CALN1: variants seen among roughly 807,000 people sequenced by gnomAD.
The protein encoded by CALN1 is calcium-binding protein 8.
In CALN1, 17 loss-of-function variants were observed where a neutral mutation model predicts 30.6. The ratio of observed to expected loss-of-function variants is 0.56; its 90% CI spans 0.38 to 0.83. CALN1 has a LOEUF of 0.83. Ranked by LOEUF, CALN1 falls within the 40% of genes least tolerant of loss-of-function variation. The pLI, the probability that CALN1 is intolerant of heterozygous loss-of-function variation, is 0.00. For synonymous variants in CALN1, 156 were observed against 131.4 expected (o/e 1.19, Z -1.28); for missense variants, 291 against 354.9 (o/e 0.82, Z 1.45).
At position 71,918,976 on chromosome 7, in the gene CALN1, T is replaced by C. The variant is rs541800665; in HGVS notation, c.501+104681A>G. ...GCATCTTAATCTTTTTAAGAGACTT[T>C]GGAGAGCAAGGAGCATGTATTTTTC... On this transcript the variant is annotated intron_variant, in intron 5 of 6. Coordinates refer to ENST00000395275, the MANE Select transcript of CALN1 (RefSeq NM_031468.4). Among the ~76,000 whole-genome samples, 9 of 152,344 alleles carry C rather than the reference T, an allele frequency of 5.9e-5. No homozygotes were observed. The South Asian group carries it at 1.9e-3, about 32-fold the overall frequency.
the CALN1 span, among the ~76,000 whole-genome samples, chr7:72,487,472 G>A: frequency 6.6e-6 from 1 of 151,736 alleles, no homozygotes; most frequent in South Asian, 2.1e-4. Flanking sequence ...GATCACCTGA[G>A]GTCAGGAGTT....
chr7:72,490,256 C>T, the CALN1 span, among the ~76,000 whole-genome samples: 1 of 152,070 alleles, frequency 6.6e-6, no homozygotes, highest in African/African-American at 2.4e-5. Context: ...TTAGAAAATG[C>T]TTATACAGTA....
At chr7:72,192,886 CTT>C (rs1157264103) in intron 3 of CALN1, among the ~76,000 whole-genome samples, 1 of 144,846 alleles carries the variant, frequency 6.9e-6, no homozygotes, top group Non-Finnish European at 1.5e-5. Flanking sequence ...CTACCAAAAA[CTT>C]TAAAAAAATT....
intron 4 of CALN1, among the ~76,000 whole-genome samples, chr7:72,082,961 G>T (rs559307283): frequency 2.6e-5 from 4 of 152,102 alleles, no homozygotes; most frequent in South Asian, 4.2e-4. Context: ...CAGCACTTTG[G>T]GAGGCTGAGG....
At chr7:72,175,620 T>C (rs1402466748) in intron 3 of CALN1, among the ~76,000 whole-genome samples, 1 of 152,152 alleles carries the variant, frequency 6.6e-6, no homozygotes, top group Non-Finnish European at 1.5e-5. Context: ...CTGCTAAAAC[T>C]GGCTGCCACG....
intron 3 of CALN1, among the ~76,000 whole-genome samples, chr7:72,190,418 T>G (rs1327605245): frequency 6.6e-6 from 1 of 152,208 alleles, no homozygotes; most frequent in Non-Finnish European, 1.5e-5. Context: ...CCAGCTGATG[T>G]GCATTGTAAA....
the CALN1 span, among the ~76,000 whole-genome samples, chr7:72,501,924 A>ATATATATATATATATAT: frequency 3.6e-4 from 30 of 84,232 alleles, no homozygotes; most frequent in African/African-American, 1.8e-3. Flanking sequence ...AAAAAAAAAA[A>ATATATATATATATATAT]AAAAATATAT....
chr7:72,411,459 A>C (rs1249143709), intron 1 of CALN1, among the ~76,000 whole-genome samples: 1 of 152,216 alleles, frequency 6.6e-6, no homozygotes, highest in Non-Finnish European at 1.5e-5. Context: ...AAAACTCTGA[A>C]ATCTAGTTTG....
At chr7:72,447,660 C>T (rs1039955839), upstream of CALN1, among the ~76,000 whole-genome samples, 5 of 151,782 alleles carry the variant, frequency 3.3e-5, no homozygotes, top group Non-Finnish European at 5.9e-5. Flanking sequence ...TACACACACA[C>T]CTGCCATGCA....
At chr7:72,201,721 C>A (rs1326580778) in intron 3 of CALN1, among the ~76,000 whole-genome samples, 3 of 139,072 alleles carry the variant, frequency 2.2e-5, no homozygotes, top group Non-Finnish European at 3.1e-5. Flanking sequence ...TACCCATGTA[C>A]AACCTTGAAT....
upstream of CALN1, among the ~76,000 whole-genome samples, chr7:72,414,122 G>A (rs972415496): frequency 6.6e-6 from 1 of 152,046 alleles, no homozygotes; most frequent in African/African-American, 2.4e-5. Flanking sequence ...GGTATGAGAC[G>A]GATTCACTCA....
intron 3 of CALN1, among the ~76,000 whole-genome samples, chr7:72,202,580 G>A (rs1791520663): frequency 6.6e-6 from 1 of 152,170 alleles, no homozygotes; most frequent in African/African-American, 2.4e-5. Flanking sequence ...TTTCCTCTGT[G>A]ATAGAAAGTT....
chr7:72,341,106 A>G (rs1245498186), intron 2 of CALN1, among the ~76,000 whole-genome samples: 2 of 152,226 alleles, frequency 1.3e-5, no homozygotes, highest in African/African-American at 2.4e-5. Context: ...CAGAGTTGAC[A>G]GGATCTCCAT....
rs1794072245 is a variant in CALN1, at chr7:72,231,131, TTTTTA to T, written c.244+47550_244+47554del. 1.3e-5 allele frequency among the ~76,000 whole-genome samples: 2 copies of T among 152,186 alleles called. 1 individual carries two copies. Among genetic ancestry groups the T allele is most frequent in the Admixed American group, 1.3e-4 (2 of 15,284 alleles). On this transcript the variant is annotated intron_variant, in intron 3 of 6. Transcript: ENST00000395275. ...TGCAGTACACGCTTTTTTTTTTTAA[TTTTTA>T]TTTTAAGTTCTGGTGTACATGCACA... is the stretch of plus-strand genomic sequence containing the variant.
chr7:72,135,385 A>G (rs975809500), intron 3 of CALN1, among the ~76,000 whole-genome samples: 1 of 152,176 alleles, frequency 6.6e-6, no homozygotes, highest in African/African-American at 2.4e-5. Flanking sequence ...TTAAGACTTG[A>G]AAGTTTAAAT....
At chr7:72,093,084 T>C (rs1805984324) in intron 4 of CALN1, among the ~76,000 whole-genome samples, 1 of 152,146 alleles carries the variant, frequency 6.6e-6, no homozygotes, top group African/African-American at 2.4e-5. Context: ...GTACGCAGCC[T>C]GCAAAGGGGA....
chr7:72,241,711 C>CA lies in CALN1; in HGVS notation c.244+36974dup, dbSNP rs111763941. Among the ~76,000 whole-genome samples, 1,178 of 139,274 alleles carry CA rather than the reference C, an allele frequency of 8.5e-3. 16 individuals carry two copies. Among genetic ancestry groups the CA allele is most frequent in the African/African-American group, 0.028 (1,052 of 38,032 alleles). The allele number at this position is 139,274 out of a possible 152,430, so 91.4% of individuals were successfully genotyped here. A position where few individuals can be genotyped will look rare whatever the true frequency, so the allele number is the denominator to read the frequency against. On this transcript the variant is annotated intron_variant, in intron 3 of 6. Coordinates refer to ENST00000395275, the MANE Select transcript of CALN1 (RefSeq NM_031468.4). Reference sequence around the variant, plus strand: ...ATAAGAGTGAAACTCCATCTCAAAACAAAAAAAAAAAGGTTCAAATATATC... The same window carrying CA: ...ATAAGAGTGAAACTCCATCTCAAAACAAAAAAAAAAAAGGTTCAAATATATC...
chr7:72,380,573 G>A (rs1804828614), intron 2 of CALN1, among the ~76,000 whole-genome samples: 1 of 152,174 alleles, frequency 6.6e-6, no homozygotes, highest in African/African-American at 2.4e-5. Context: ...CCTGGGCGGT[G>A]ACCGTGTCTG....
At chr7:72,329,799 C>T (rs1015702134) in intron 2 of CALN1, among the ~76,000 whole-genome samples, 1 of 151,376 alleles carries the variant, frequency 6.6e-6, no homozygotes, top group Non-Finnish European at 1.5e-5. Flanking sequence ...ACTAAAAATC[C>T]ACAAATTAGC....
Sources: allele counts gnomAD v4.1 joint callset (sites outside exome capture counted in the v4.1 genomes callset), GRCh38; gene constraint gnomAD v4.1.1; transcripts MANE v1.5; gene names NCBI Gene and HGNC (gene_info 2026-07-23, HGNC 2026-07-21).